PRKG1: variants seen among roughly 807,000 people sequenced by gnomAD.
The protein encoded by PRKG1 is protein kinase cGMP-dependent 1.
In PRKG1, 35 loss-of-function variants were observed where a neutral mutation model predicts 88.1. The ratio of observed to expected loss-of-function variants is 0.40; its 90% CI spans 0.30 to 0.53. The LOEUF (loss-of-function observed/expected upper bound fraction) is 0.53, where lower values mean the gene tolerates loss of function less well. PRKG1 is among the 20% of genes least tolerant of loss of function. The probability of loss-of-function intolerance (pLI) is 0.59; values close to 1 mark genes in which losing one functional copy is unlikely to be tolerated. For missense variants in PRKG1, 540 were observed against 839.8 expected (o/e 0.64, Z 4.41); for synonymous variants, 303 against 292.5 (o/e 1.04, Z -0.37).
At chr10:51,143,753 C>T (rs1032096941) in intron 1 of PRKG1, among the ~76,000 whole-genome samples, 11 of 151,886 alleles carry the variant, frequency 7.2e-5, no homozygotes, top group South Asian at 2.1e-4. Context: ...ACTCATTGGC[C>T]ATGTTTATTT....
At chr10:51,486,143 G>A (rs1018201822) in intron 3 of PRKG1, among the ~76,000 whole-genome samples, 1 of 151,924 alleles carries the variant, frequency 6.6e-6, no homozygotes, top group Non-Finnish European at 1.5e-5. Flanking sequence ...CCAGAATATA[G>A]TATTGCTAAC....
chr10:51,646,538 T>C (rs1467847270), intron 3 of PRKG1, among the ~76,000 whole-genome samples: 1 of 152,118 alleles, frequency 6.6e-6, no homozygotes, highest in Non-Finnish European at 1.5e-5. Context: ...TTGATATATA[T>C]TTACGTATAT....
At position 51,864,080 on chromosome 10, in the gene PRKG1, G is replaced by A. The variant is rs182020876; in HGVS notation, c.699-43427G>A. Among the ~76,000 whole-genome samples, 30 of 152,282 alleles carry A rather than the reference G, an allele frequency of 2.0e-4. No individual in the cohort carries two copies. The East Asian group carries it at 5.6e-3, about 28-fold the overall frequency. On this transcript the variant is annotated intron_variant, in intron 4 of 17. Transcript: ENST00000373980. ...CAACTGCCCCAGTTTTCCTGGGATT[G>A]AACATGATTCCTTGGACACAGGACT...
chr10:51,690,983 T>A (rs905222414), intron 3 of PRKG1, among the ~76,000 whole-genome samples: 3 of 147,890 alleles, frequency 2.0e-5, no homozygotes, highest in African/African-American at 7.4e-5. Flanking sequence ...ACTATCCATA[T>A]CTTCATTCTA....
chr10:51,303,333 C>G (rs1430574226), intron 2 of PRKG1, among the ~76,000 whole-genome samples: 2 of 137,430 alleles, frequency 1.5e-5, no homozygotes, highest in South Asian at 2.4e-4. Context: ...ATTTAAATCT[C>G]AAGATTTTCT....
intron 2 of PRKG1, among the ~76,000 whole-genome samples, chr10:51,159,001 G>A (rs1846290992): frequency 6.6e-6 from 1 of 151,992 alleles, no homozygotes. Flanking sequence ...TTTCCAGTAA[G>A]TTGGTTGATA....
At chr10:51,105,992 G>A (rs1034123301) in intron 1 of PRKG1, among the ~76,000 whole-genome samples, 8 of 152,160 alleles carry the variant, frequency 5.3e-5, no homozygotes, top group Non-Finnish European at 1.0e-4. Context: ...CAGAAAAATA[G>A]CAATGAGCAA....
At position 51,589,128 on chromosome 10, in the gene PRKG1, T is replaced by C. The variant is rs371283052; in HGVS notation, c.592+121292T>C. Among the ~76,000 whole-genome samples, 19 of 152,254 alleles carry C rather than the reference T, an allele frequency of 1.2e-4. No individual in the cohort carries two copies. The East Asian group carries it at 1.9e-3, about 15-fold the overall frequency. On this transcript the variant is annotated intron_variant, in intron 3 of 17. Coordinates refer to ENST00000373980, the MANE Select transcript of PRKG1 (RefSeq NM_006258.4). ...AATATTTTGTTGCTGAGTTGCTAAC[T>C]GGATATTCATGAACTAGGTGCCCTA...
intron 9 of PRKG1, among the ~76,000 whole-genome samples, chr10:52,216,352 T>C (rs1840110324): frequency 6.6e-6 from 1 of 152,196 alleles, no homozygotes; most frequent in Non-Finnish European, 1.5e-5. Context: ...TGGGGATCTT[T>C]TGGGAAACCA....
At chr10:51,001,765 G>A (rs1313805897) in intron 1 of PRKG1, among the ~76,000 whole-genome samples, 1 of 152,116 alleles carries the variant, frequency 6.6e-6, no homozygotes, top group Non-Finnish European at 1.5e-5. Context: ...AGAAGATAGA[G>A]GGGGAGACAT....
intron 5 of PRKG1, among the ~76,000 whole-genome samples, chr10:52,039,088 C>A (rs1845690393): frequency 6.6e-6 from 1 of 152,128 alleles, no homozygotes; most frequent in Non-Finnish European, 1.5e-5. Flanking sequence ...GGGAGGTCCC[C>A]CGATCCGAGT....
intron 9 of PRKG1, among the ~76,000 whole-genome samples, chr10:52,207,078 G>A (rs1324447683): frequency 2.0e-5 from 3 of 152,354 alleles, no homozygotes; most frequent in African/African-American, 7.2e-5. Flanking sequence ...AGTAGTGGCA[G>A]TGTGGCAGAC....
In PRKG1 at chr10:51,999,865, C is replaced by G. The variant is rs536800284; in HGVS notation, c.763-54619C>G. 1.3e-3 allele frequency among the ~76,000 whole-genome samples: 192 copies of G among 151,878 alleles called. 1 individual carries two copies. The highest frequency in any genetic ancestry group is 4.5e-3 in the African/African-American group (187 of 41,438). On this transcript the variant is annotated intron_variant, in intron 5 of 17. Coordinates refer to ENST00000373980, the MANE Select transcript of PRKG1 (RefSeq NM_006258.4). Reference sequence around the variant, plus strand: ...TTTTTTCAACTATATATTTTTTAAACAAAGTTAAACAACAATAATAGCAAG... The same window carrying G: ...TTTTTTCAACTATATATTTTTTAAAGAAAGTTAAACAACAATAATAGCAAG...
At chr10:52,202,855 G>A (rs1201482319) in intron 9 of PRKG1, among the ~76,000 whole-genome samples, 2 of 152,030 alleles carry the variant, frequency 1.3e-5, no homozygotes, top group Non-Finnish European at 2.9e-5. Context: ...GTATTTTTGT[G>A]GAGTCAGTGG....
At position 51,852,213 on chromosome 10, in the gene PRKG1, G is replaced by GTATATATATATATATATATATA. The variant is rs10650535; in HGVS notation, c.698+47539_698+47540insTATATATATATATATATATATA. ...TTAGGCAAACCTAAGTTTTATATGT[G>GTATATATATATATATATATATA]TATATATATATATATACACACACAC... On this transcript the variant is annotated intron_variant, in intron 4 of 17. Transcript: ENST00000373980. 2.5e-3 allele frequency among the ~76,000 whole-genome samples: 358 copies of GTATATATATATATATATATATA among 143,226 alleles called. 1 individual carries two copies. The highest frequency in any genetic ancestry group is 9.1e-3 in the African/African-American group (346 of 37,830). The allele number at this position is 143,226 out of a possible 152,430, so 94.0% of individuals were successfully genotyped here.
intron 5 of PRKG1, among the ~76,000 whole-genome samples, chr10:51,991,712 A>T (rs1589493653): frequency 1.3e-5 from 2 of 152,304 alleles, no homozygotes; most frequent in South Asian, 4.1e-4. Flanking sequence ...ACATGAACTC[A>T]TCATTTTTTA....
chr10:52,102,453 A>G (rs991464402), intron 7 of PRKG1, among the ~76,000 whole-genome samples: 1 of 152,100 alleles, frequency 6.6e-6, no homozygotes, highest in African/African-American at 2.4e-5. Context: ...CGTCATCCTT[A>G]TAGAAAAATC....
chr10:52,241,091 A>G (rs1840847067), intron 9 of PRKG1, among the ~76,000 whole-genome samples: 1 of 152,168 alleles, frequency 6.6e-6, no homozygotes, highest in African/African-American at 2.4e-5. Flanking sequence ...GGTCTGTTAT[A>G]GTTCTATTTC....
At chr10:52,121,488 C>A (rs565025571) in intron 7 of PRKG1, among the ~76,000 whole-genome samples, 48 of 152,286 alleles carry the variant, frequency 3.2e-4, no homozygotes, top group Non-Finnish European at 5.7e-4. Context: ...AAAATCATTT[C>A]TCTTCTCTCT....
Sources: allele counts gnomAD v4.1 joint callset (sites outside exome capture counted in the v4.1 genomes callset), GRCh38; gene constraint gnomAD v4.1.1; transcripts MANE v1.5; gene names NCBI Gene and HGNC (gene_info 2026-07-23, HGNC 2026-07-21).